The following ADARB2 variants were observed in gnomAD, a reference collection of about 807,000 sequenced individuals.
The protein encoded by ADARB2 is inactive double-stranded RNA-specific editase B2.
In ADARB2, 25 loss-of-function variants were observed where a neutral mutation model predicts 62.2. The observed-to-expected ratio is 0.40, with a 90% confidence interval of 0.29 to 0.56. The LOEUF (loss-of-function observed/expected upper bound fraction) is 0.56, where lower values mean the gene tolerates loss of function less well. ADARB2 is among the 20% of genes least tolerant of loss of function. The pLI is 0.43. For synonymous variants in ADARB2, 572 were observed against 500.8 expected (o/e 1.14, Z -1.90); for missense variants, 1,071 against 1,077.4 (o/e 0.99, Z 0.08).
At chr10:1,569,331 T>G (rs1295828565) in intron 1 of ADARB2, among the ~76,000 whole-genome samples, 1 of 152,146 alleles carries the variant, frequency 6.6e-6, no homozygotes, top group East Asian at 1.9e-4. Context: ...AGCGGCTGCT[T>G]CTTTGCTGTT....
At chr10:1,279,081 G>A (rs1047441381) in intron 3 of ADARB2, among the ~76,000 whole-genome samples, 7 of 152,168 alleles carry the variant, frequency 4.6e-5, no homozygotes, top group African/African-American at 1.7e-4. Flanking sequence ...TTCATCTGCT[G>A]GGGCTGCCGT....
intron 4 of ADARB2, among the ~76,000 whole-genome samples, chr10:1,266,186 C>T (rs981791650): frequency 2.6e-5 from 4 of 152,206 alleles, no homozygotes; most frequent in South Asian, 2.1e-4. Flanking sequence ...GGGTCGGCGC[C>T]GAGAAGGAGT....
At chr10:1,302,686 C>T (rs1163334930) in intron 3 of ADARB2, among the ~76,000 whole-genome samples, 55 of 152,336 alleles carry the variant, frequency 3.6e-4, no homozygotes, top group Middle Eastern at 3.4e-3. Context: ...GATCTGAGAA[C>T]GGGCAGACTG....
At chr10:1,313,198 T>C (rs779185170) in intron 3 of ADARB2, among the ~76,000 whole-genome samples, 7 of 151,938 alleles carry the variant, frequency 4.6e-5, no homozygotes, top group African/African-American at 7.3e-5. Context: ...GGAGGGCCCA[T>C]TGGGGGACAG....
chr10:1,618,987 C>G (rs1833676440), intron 1 of ADARB2, among the ~76,000 whole-genome samples: 1 of 152,156 alleles, frequency 6.6e-6, no homozygotes, highest in South Asian at 2.1e-4. Context: ...ACTGTAGCTT[C>G]TTGGCTGCAA....
intron 3 of ADARB2, among the ~76,000 whole-genome samples, chr10:1,297,577 C>T (rs569551139): frequency 1.3e-5 from 2 of 152,300 alleles, no homozygotes; most frequent in South Asian, 2.1e-4. Flanking sequence ...TGCGTGGCAT[C>T]GCCTGGACAA....
intron 1 of ADARB2, among the ~76,000 whole-genome samples, chr10:1,533,513 A>G (rs1281559591): frequency 2.0e-5 from 3 of 152,054 alleles, no homozygotes; most frequent in Non-Finnish European, 4.4e-5. Flanking sequence ...TAGGAAACCA[A>G]GGCTACGCTG....
At chr10:1,257,856 T>TG (rs1420581199) in intron 4 of ADARB2, among the ~76,000 whole-genome samples, 2 of 152,140 alleles carry the variant, frequency 1.3e-5, no homozygotes, top group African/African-American at 4.8e-5. Context: ...AATTTAAATA[T>TG]GGGGTCTACT....
intron 1 of ADARB2, among the ~76,000 whole-genome samples, chr10:1,407,831 C>T (rs902532557): frequency 1.8e-4 from 28 of 152,226 alleles, no homozygotes; most frequent in Non-Finnish European, 3.4e-4. Context: ...CCTCCTTCCC[C>T]TCTGCATGAC....
At chr10:1,423,675 T>C (rs1290144341) in intron 1 of ADARB2, among the ~76,000 whole-genome samples, 1 of 151,960 alleles carries the variant, frequency 6.6e-6, no homozygotes, top group Admixed American at 6.6e-5. Flanking sequence ...AGGTCCACTA[T>C]GTATGCAGTA....
At chr10:1,319,882 G>C (rs975420323) in intron 3 of ADARB2, among the ~76,000 whole-genome samples, 1 of 152,188 alleles carries the variant, frequency 6.6e-6, no homozygotes, top group Non-Finnish European at 1.5e-5. Context: ...CCTTTGTATG[G>C]ATTCCCAGCA....
chr10:1,650,161 C>T (rs567357723), intron 1 of ADARB2, among the ~76,000 whole-genome samples: 47 of 152,368 alleles, frequency 3.1e-4, no homozygotes, highest in African/African-American at 1.1e-3. Context: ...TGACTGCTCT[C>T]ACATGCTTTT....
intron 3 of ADARB2, among the ~76,000 whole-genome samples, chr10:1,331,330 G>A (rs1831925951): frequency 6.6e-6 from 1 of 152,126 alleles, no homozygotes; most frequent in African/African-American, 2.4e-5. Flanking sequence ...ATTCATAATA[G>A]ACAAAAAGTA....
chr10:1,477,702 G>T lies in ADARB2; in HGVS notation c.101-98542C>A, dbSNP rs1376119055. Among the ~76,000 whole-genome samples the T allele has an allele frequency of 6.6e-6, 1 of 152,198 alleles. No individual in the cohort carries two copies. Among genetic ancestry groups the T allele is most frequent in the Non-Finnish European group, 1.5e-5 (1 of 68,048 alleles). ...CGCCTCTTTCCAGACGATAGGCGGG[G>T]TGCTTAATTTTCAGAGAATGCCTTC... On this transcript the variant is annotated intron_variant, in intron 1 of 9. Coordinates refer to ENST00000381312, the MANE Select transcript of ADARB2 (RefSeq NM_018702.4). The surrounding 1 kb of genome is among the most constrained non-coding windows in gnomAD (Gnocchi z 4.5).
chr10:1,617,982 CT>C (rs1833663855), intron 1 of ADARB2, among the ~76,000 whole-genome samples: 1 of 152,210 alleles, frequency 6.6e-6, no homozygotes, highest in Admixed American at 6.5e-5. Context: ...TTGCTGTCCA[CT>C]TTTTTCCCCT....
intron 3 of ADARB2, among the ~76,000 whole-genome samples, chr10:1,350,524 C>A (rs1316665494): frequency 2.0e-5 from 3 of 152,188 alleles, no homozygotes; most frequent in Non-Finnish European, 4.4e-5. Flanking sequence ...CTCTCCCCCA[C>A]CTGCCCAGCA....
chr10:1,633,186 A>C (rs1299429884), intron 1 of ADARB2, among the ~76,000 whole-genome samples: 1 of 152,092 alleles, frequency 6.6e-6, no homozygotes, highest in Non-Finnish European at 1.5e-5. Flanking sequence ...TTGGGCTTGG[A>C]CTGAACTATG....
At chr10:1,712,707 C>T (rs1318285313) in intron 1 of ADARB2, among the ~76,000 whole-genome samples, 1 of 143,574 alleles carries the variant, frequency 7.0e-6, no homozygotes, top group Admixed American at 6.9e-5. Context: ...CTCCCGGGTT[C>T]ACGCCATTCT....
chr10:1,210,802 G>T (rs765093753), intron 7 of ADARB2, among the ~76,000 whole-genome samples: 8 of 152,384 alleles, frequency 5.2e-5, no homozygotes, highest in Middle Eastern at 3.4e-3. Flanking sequence ...GCCTCAGGCA[G>T]ATGGAAAGGT....
Sources: allele counts gnomAD v4.1 joint callset (sites outside exome capture counted in the v4.1 genomes callset), GRCh38; gene constraint gnomAD v4.1.1; non-coding constraint Gnocchi (gnomAD v3.1); transcripts MANE v1.5; gene names NCBI Gene and HGNC (gene_info 2026-07-23, HGNC 2026-07-21).